The following LOXL2 variants were observed in gnomAD, a reference collection of about 807,000 sequenced individuals.
LOXL2 encodes lysyl oxidase homolog 2.
A neutral mutation model predicts 93.0 loss-of-function variants in LOXL2; 70 were observed. That is an observed-to-expected ratio of 0.75 (90% CI 0.62 to 0.92). LOXL2 has a LOEUF of 0.92. Ranked by LOEUF, LOXL2 falls within the 40% of genes least tolerant of loss-of-function variation. The probability of loss-of-function intolerance (pLI) is 0.00; values close to 1 mark genes in which losing one functional copy is unlikely to be tolerated. For synonymous variants in LOXL2, 438 were observed against 413.2 expected, an observed-to-expected ratio of 1.06 and a Z score of -0.73; for missense variants, 973 against 1,054.9, an observed-to-expected ratio of 0.92 and a Z score of 1.08.
At chr8:23,313,061 G>A (rs1803342030) in intron 9 of LOXL2, among the ~76,000 whole-genome samples, 1 of 151,450 alleles carries the variant, frequency 6.6e-6, no homozygotes, top group Non-Finnish European at 1.5e-5. Context: ...TTGCTTCAAA[G>A]AGAATAAAAT....
rs146830888 is a variant in LOXL2 at position 23,341,077 on chromosome 8, T to C, written c.658A>G (p.Lys220Glu). ...CGGGAATTCTTGGCCGTCCAGTGCT[T>C]GTCACAGATCTGCTTCCAGGTCTTG... ...EGKTWKQICD[K>E]HWTAKNSRVV... is the part of the protein sequence containing the mutation. The change falls in exon 4 of 14, where the codon AAG (lysine) becomes GAG (glutamate). Residue 220 changes from lysine (K) to glutamate (E), a missense_variant. Transcript: ENST00000389131. 199 of 1,614,006 alleles carry C rather than the reference T, an allele frequency of 1.2e-4. No homozygotes were observed. Among genetic ancestry groups the C allele is most frequent in the Non-Finnish European group, 1.6e-4 (190 of 1,180,028 alleles).
chr8:23,350,029 A>G (rs1327421501), intron 3 of LOXL2, among the ~76,000 whole-genome samples: 1 of 152,120 alleles, frequency 6.6e-6, no homozygotes, highest in African/African-American at 2.4e-5. Flanking sequence ...GATAGACAGG[A>G]GAACATCTGT....
intron 10 of LOXL2, among the ~76,000 whole-genome samples, chr8:23,308,020 A>AGCATGTAGT (rs2117144826): frequency 6.6e-6 from 1 of 151,838 alleles, no homozygotes; most frequent in South Asian, 2.1e-4. Flanking sequence ...AAAAAGAAAG[A>AGCATGTAGT]GCATGTAGTT....
At chr8:23,301,472 G>A (rs776042199) in intron 12 of LOXL2, among the ~76,000 whole-genome samples, 61 of 152,182 alleles carry the variant, frequency 4.0e-4, no homozygotes, top group Non-Finnish European at 7.5e-4. Flanking sequence ...GCTGTGTCTC[G>A]TGTTCAGTAT....
intron 3 of LOXL2, among the ~76,000 whole-genome samples, chr8:23,355,241 G>A (rs188543115): frequency 7.2e-5 from 11 of 151,912 alleles, no homozygotes; most frequent in African/African-American, 2.4e-4. Flanking sequence ...CACCGCATCC[G>A]GCCGGGAGTT....
intron 6 of LOXL2, 37 bp from the exon 7 acceptor site, chr8:23,322,318 T>C: frequency 1.9e-6 from 3 of 1,594,574 alleles, no homozygotes; most frequent in African/African-American, 1.3e-5. Flanking sequence ...ATGAAAGCTT[T>C]GGAAGGAAAC....
chr8:23,347,093 C>T (rs1804002088), intron 3 of LOXL2, among the ~76,000 whole-genome samples: 1 of 151,824 alleles, frequency 6.6e-6, no homozygotes, highest in African/African-American at 2.4e-5. Flanking sequence ...CTGAGGTGAG[C>T]AGATCACTTG....
chr8:23,346,105 A>T lies in LOXL2; in HGVS notation c.532-4902T>A, dbSNP rs1189620640. Among the ~76,000 whole-genome samples the T allele has an allele frequency of 3.0e-4, 31 of 103,072 alleles. 1 individual carries two copies. The highest frequency in any genetic ancestry group is 3.9e-4 in the Non-Finnish European group (21 of 53,564). The allele number at this position is 103,072 out of a possible 152,430, so 67.6% of individuals were successfully genotyped here. A position where few individuals can be genotyped will look rare whatever the true frequency, so the allele number is the denominator to read the frequency against. ...AAATAATAAAATAAAATAAAATAAA[A>T]TAAAATAAAATTAAAATAAAATAAA... On this transcript the variant is annotated intron_variant, in intron 3 of 13. Coordinates refer to ENST00000389131, the MANE Select transcript of LOXL2 (RefSeq NM_002318.3).
chr8:23,376,189 G>C (rs1370646396), intron 1 of LOXL2, among the ~76,000 whole-genome samples: 2 of 152,174 alleles, frequency 1.3e-5, no homozygotes, highest in Non-Finnish European at 2.9e-5. Flanking sequence ...TGCTTCTATT[G>C]AGATAATCAT....
At chr8:23,303,949 C>T (rs916462833) in intron 10 of LOXL2, among the ~76,000 whole-genome samples, 24 of 152,216 alleles carry the variant, frequency 1.6e-4, no homozygotes, top group African/African-American at 5.1e-4. Context: ...CACACAGGTA[C>T]CCCAAGGTCG....
chr8:23,328,532 T>C lies in LOXL2; in HGVS notation c.1000A>G (p.Ile334Val). Residue 334 changes from isoleucine (I) to valine (V), a missense_variant, in exon 6 of 14, where the codon ATC becomes GTC. Physicochemically the swap from Ile to Val is conservative, Grantham distance 29. Transcript: ENST00000389131. ...AGCACCTCCACGCGGCCCTCCCCGATGTAGGCACCGCCTCTCAGTCGCACC... is the reference window on the plus strand; with the variant it reads ...AGCACCTCCACGCGGCCCTCCCCGACGTAGGCACCGCCTCTCAGTCGCACC... ...PLVRLRGGAY[I>V]GEGRVEVLKN... 1.2e-6 allele frequency: 2 copies of C among 1,614,034 alleles called. No homozygotes were observed. The highest frequency in any genetic ancestry group is 2.2e-5 in the South Asian group (2 of 91,086).
At chr8:23,335,541 G>A (rs748435889) in intron 4 of LOXL2, among the ~76,000 whole-genome samples, 1 of 152,174 alleles carries the variant, frequency 6.6e-6, no homozygotes, top group Non-Finnish European at 1.5e-5. Flanking sequence ...GAGACTTTAC[G>A]GAAGAGAAGC....
intron 12 of LOXL2, 121 bp from the exon 13 acceptor site, chr8:23,299,068 G>A: frequency 6.2e-6 from 4 of 645,860 alleles, no homozygotes; most frequent in Non-Finnish European, 1.1e-5. Context: ...CGGGACCCAA[G>A]ACGGGGGTCT....
chr8:23,336,959 A>G (rs1803803015), intron 4 of LOXL2: 1 of 152,166 alleles, frequency 6.6e-6, no homozygotes, highest in African/African-American at 2.4e-5. Context: ...CTCATTCAAG[A>G]GCTTCCAGTC....
intron 5 of LOXL2, chr8:23,329,084 G>A (rs1028557844): frequency 6.5e-6 from 1 of 154,228 alleles, no homozygotes; most frequent in African/African-American, 2.4e-5. Context: ...GTCTAGGCCT[G>A]CAGAGACTCC....
intron 1 of LOXL2, among the ~76,000 whole-genome samples, chr8:23,402,075 C>A (rs1305636806): frequency 6.6e-6 from 1 of 151,942 alleles, no homozygotes; most frequent in Non-Finnish European, 1.5e-5. Context: ...AACGCGCACA[C>A]ACACATACAC....
In LOXL2 at chr8:23,309,648, G is replaced by A. The variant is rs935462632; in HGVS notation, c.1880+20C>T. The A allele has an allele frequency of 2.1e-6, 3 of 1,414,682 alleles. No homozygotes were observed. The highest frequency in any genetic ancestry group is 2.8e-6 in the Non-Finnish European group (3 of 1,074,718). 87.6% of individuals were successfully genotyped at this position (1,414,682 alleles called of 1,614,324 possible). A position where few individuals can be genotyped will look rare whatever the true frequency, so the allele number is the denominator to read the frequency against. ...TGTCCGCCGGGCAGCTTAGTGGGGAGGGTGGCCAGCCAGGCCTACCTGTGA... is the reference window on the plus strand; with the variant it reads ...TGTCCGCCGGGCAGCTTAGTGGGGAAGGTGGCCAGCCAGGCCTACCTGTGA... On this transcript the variant is annotated intron_variant, in intron 10 of 13. Transcript: ENST00000389131.
chr8:23,374,499 G>A (rs1052302540), intron 1 of LOXL2, among the ~76,000 whole-genome samples: 1 of 152,130 alleles, frequency 6.6e-6, no homozygotes, highest in African/African-American at 2.4e-5. Context: ...GGTATTTCTA[G>A]TTCTAGATCC....
At chr8:23,333,753 A>C in intron 4 of LOXL2, 130 bp from the exon 5 acceptor site, 1 of 700,734 alleles carries the variant, frequency 1.4e-6, no homozygotes, top group Non-Finnish European at 2.4e-6. Flanking sequence ...AGAGGGTCCC[A>C]GCTCAGTCCA....
Sources: gnomAD v4.1 joint callset for allele counts (sites outside exome capture counted in the v4.1 genomes callset) on GRCh38, gnomAD v4.1.1 for gene constraint, MANE v1.5 for transcripts, NCBI Gene and HGNC (gene_info 2026-07-23, HGNC 2026-07-21) for gene names.